PCDH7: variants seen among roughly 807,000 people sequenced by gnomAD.
PCDH7 encodes protocadherin-7.
A neutral mutation model predicts 58.9 loss-of-function variants in PCDH7; 17 were observed. That is an observed-to-expected ratio of 0.29 (90% CI 0.20 to 0.43). The LOEUF (loss-of-function observed/expected upper bound fraction) is 0.43. PCDH7 is among the 20% of genes least tolerant of loss of function. The probability of loss-of-function intolerance (pLI) is 1.00; values close to 1 mark genes in which losing one functional copy is unlikely to be tolerated. For synonymous variants in PCDH7, 664 were observed against 616.4 expected (o/e 1.08, Z -1.14); for missense variants, 1,274 against 1,441.0 (o/e 0.88, Z 1.88).
At chr4:31,041,097 T>G (rs1212677515) in intron 3 of PCDH7, among the ~76,000 whole-genome samples, 1 of 152,208 alleles carries the variant, frequency 6.6e-6, no homozygotes, top group Non-Finnish European at 1.5e-5. Context: ...TTCACAAATT[T>G]GGAACATCAA....
At chr4:30,746,312 A>T (rs1717771500) in intron 1 of PCDH7, among the ~76,000 whole-genome samples, 1 of 152,164 alleles carries the variant, frequency 6.6e-6, no homozygotes, top group Non-Finnish European at 1.5e-5. Context: ...CCTCAGTGTA[A>T]AAGATAGTAA....
chr4:30,762,638 C>G (rs1484291496), intron 1 of PCDH7, among the ~76,000 whole-genome samples: 1 of 152,128 alleles, frequency 6.6e-6, no homozygotes, highest in Non-Finnish European at 1.5e-5. Flanking sequence ...TGAGGATTTT[C>G]AAAGACCAAA....
intron 3 of PCDH7, among the ~76,000 whole-genome samples, chr4:31,027,805 G>A (rs991873219): frequency 6.6e-6 from 1 of 152,150 alleles, no homozygotes; most frequent in Non-Finnish European, 1.5e-5. Flanking sequence ...TATTAAAAGT[G>A]ATTATGTCTC....
intron 2 of PCDH7, chr4:30,925,879 G>A (rs1443695901): frequency 1.3e-5 from 2 of 152,162 alleles, no homozygotes; most frequent in Non-Finnish European, 2.9e-5. Flanking sequence ...AGAAGGTACT[G>A]TCCTAGAGAA....
intron 3 of PCDH7, among the ~76,000 whole-genome samples, chr4:30,991,765 C>T (rs1389924656): frequency 6.6e-6 from 1 of 151,912 alleles, no homozygotes; most frequent in Non-Finnish European, 1.5e-5. Flanking sequence ...TCCTCCCTCA[C>T]AGAAAATAAT....
intron 1 of PCDH7, among the ~76,000 whole-genome samples, chr4:30,915,117 A>G (rs985105444): frequency 1.2e-4 from 19 of 152,060 alleles, no homozygotes; most frequent in African/African-American, 4.6e-4. Context: ...ACATCTCCAA[A>G]TGTTTATTTT....
At chr4:30,758,340 G>A (rs1313769822) in intron 1 of PCDH7, among the ~76,000 whole-genome samples, 1 of 152,124 alleles carries the variant, frequency 6.6e-6, no homozygotes, top group Non-Finnish European at 1.5e-5. Flanking sequence ...GAAGTGTTAG[G>A]AAGAAAGTTC....
chr4:30,856,838 A>C (rs2109350989), intron 1 of PCDH7, among the ~76,000 whole-genome samples: 1 of 152,034 alleles, frequency 6.6e-6, no homozygotes, highest in East Asian at 1.9e-4. Flanking sequence ...CAAAATTCAC[A>C]TTTTTACTGT....
intron 1 of PCDH7, among the ~76,000 whole-genome samples, chr4:30,882,900 C>CT (rs1737178663): frequency 6.6e-6 from 1 of 152,176 alleles, no homozygotes; most frequent in African/African-American, 2.4e-5. Context: ...TTTTCAAGCT[C>CT]TTCATAATTT....
intron 2 of PCDH7, among the ~76,000 whole-genome samples, chr4:30,942,008 G>GTATT (rs913361949): frequency 2.6e-5 from 4 of 151,806 alleles, no homozygotes; most frequent in African/African-American, 4.8e-5. Flanking sequence ...GTGGAGGCCT[G>GTATT]TATTTATTTA....
At chr4:30,788,470 A>G (rs1206199448) in intron 1 of PCDH7, among the ~76,000 whole-genome samples, 2 of 152,066 alleles carry the variant, frequency 1.3e-5, no homozygotes, top group Admixed American at 1.3e-4. Flanking sequence ...GTCCTTATTT[A>G]TGATACTATA....
chr4:31,052,763 T>C (rs1285061006), intron 3 of PCDH7, among the ~76,000 whole-genome samples: 2 of 152,198 alleles, frequency 1.3e-5, no homozygotes, highest in Non-Finnish European at 2.9e-5. Context: ...CATCTGACTA[T>C]TTGGTTTATC....
chr4:30,835,524 G>A (rs1730380215), intron 1 of PCDH7, among the ~76,000 whole-genome samples: 2 of 152,088 alleles, frequency 1.3e-5, no homozygotes, highest in South Asian at 2.1e-4. Context: ...AGGAAACCGG[G>A]TCCCTGATGC....
intron 1 of PCDH7, among the ~76,000 whole-genome samples, chr4:30,901,926 G>A (rs1286673730): frequency 1.3e-5 from 2 of 152,040 alleles, no homozygotes; most frequent in East Asian, 3.9e-4. Context: ...ACTTCTTAAG[G>A]TTCAGTCAAG....
In PCDH7 at chr4:30,872,673, C is replaced by T. The variant is rs531066362; in HGVS notation, c.71-47480C>T. Among the ~76,000 whole-genome samples, 9 of 152,104 alleles carry T rather than the reference C, an allele frequency of 5.9e-5. No individual in the cohort carries two copies. In the South Asian group the frequency reaches 1.9e-3, roughly 32 times the overall value. On this transcript the variant is annotated intron_variant, in intron 1 of 3. Coordinates refer to the PCDH7 transcript ENST00000509759. ...AATGAGGACAATTCCTATAAATCAT[C>T]CACACAACGCCTAGCTCATTGTAGG...
intron 3 of PCDH7, among the ~76,000 whole-genome samples, chr4:30,968,513 C>A (rs1749256845): frequency 1.3e-5 from 2 of 150,546 alleles, no homozygotes. Flanking sequence ...TCAGAATCTT[C>A]TTTTTAATCT....
chr4:31,126,513 G>C (rs568310809), intron 3 of PCDH7, among the ~76,000 whole-genome samples: 332 of 152,244 alleles, frequency 2.2e-3, no homozygotes, highest in African/African-American at 7.3e-3. Context: ...TACTACAATA[G>C]TGGGACTCAT....
At chr4:30,916,567 A>G (rs1055620358) in intron 1 of PCDH7, among the ~76,000 whole-genome samples, 1 of 152,204 alleles carries the variant, frequency 6.6e-6, no homozygotes, top group Non-Finnish European at 1.5e-5. Context: ...TCTATTAGAT[A>G]GACCAATTTA....
At chr4:30,989,269 T>TTGTTG (rs1406096284) in intron 3 of PCDH7, among the ~76,000 whole-genome samples, 2,132 of 152,292 alleles carry the variant, frequency 0.014, 47 homozygotes, top group African/African-American at 0.049. Context: ...CTAAGATAGG[T>TTGTTG]ACTCCTAAAA....
Sources: allele counts gnomAD v4.1 joint callset (sites outside exome capture counted in the v4.1 genomes callset), GRCh38; gene constraint gnomAD v4.1.1; transcripts MANE v1.5; gene names NCBI Gene and HGNC (gene_info 2026-07-23, HGNC 2026-07-21).